Variants in PIGF observed in about 807,000 individuals in gnomAD.
PIGF encodes the protein phosphatidylinositol glycan anchor biosynthesis class F, also known as GPI ethanolamine phosphate transferase, stabilizing subunit.
Under a neutral mutation model 26.0 loss-of-function variants are expected in PIGF, and 23 were observed. The observed-to-expected ratio is 0.88, with a 90% confidence interval of 0.64 to 1.25. PIGF has a LOEUF of 1.25. Among genes scored for constraint, PIGF ranks in the 50% most tolerant of loss-of-function variants. PIGF has a pLI of 0.00. For missense variants in PIGF, 278 were observed against 249.9 expected (o/e 1.11, Z -0.76); for synonymous variants, 93 against 92.6 (o/e 1.00, Z -0.03).
At chr2:46,586,001 C>A (rs1340983556) in intron 5 of PIGF, among the ~76,000 whole-genome samples, 2 of 152,170 alleles carry the variant, frequency 1.3e-5, no homozygotes, top group Admixed American at 6.5e-5. Context: ...GTCTCGATCT[C>A]CTGACCTCGT....
chr2:46,599,883 T>A (rs1264222005), intron 4 of PIGF, among the ~76,000 whole-genome samples: 1 of 152,052 alleles, frequency 6.6e-6, no homozygotes, highest in South Asian at 2.1e-4. Context: ...ACACTTCACA[T>A]GGGCACACAT....
chr2:46,600,867 A>G (rs1032529381), intron 4 of PIGF, among the ~76,000 whole-genome samples: 2 of 152,090 alleles, frequency 1.3e-5, no homozygotes, highest in African/African-American at 2.4e-5. Context: ...TTAGTGGGAA[A>G]AAAGTTATAA....
At chr2:46,607,870 G>C (rs1015852301) in intron 4 of PIGF, among the ~76,000 whole-genome samples, 3 of 151,954 alleles carry the variant, frequency 2.0e-5, no homozygotes, top group African/African-American at 7.3e-5. Context: ...AATTTTTCTT[G>C]TATTTTTAGT....
At chr2:46,584,729 C>A (rs1015220848) in intron 5 of PIGF, among the ~76,000 whole-genome samples, 5 of 152,114 alleles carry the variant, frequency 3.3e-5, no homozygotes, top group Non-Finnish European at 7.4e-5. Context: ...ACCTCCTTGG[C>A]TTTCCTGAAA....
chr2:46,595,702 C>A (rs531434219), intron 4 of PIGF, among the ~76,000 whole-genome samples: 2 of 152,260 alleles, frequency 1.3e-5, no homozygotes, highest in East Asian at 3.9e-4. Context: ...AATGGCTGAA[C>A]CATTTTATAT....
chr2:46,615,366 G>A (rs1670583246), intron 1 of PIGF, 181 bp from the exon 2 acceptor site: 1 of 448,494 alleles, frequency 2.2e-6, no homozygotes, highest in Non-Finnish European at 4.0e-6. Context: ...TTCTACCTTT[G>A]ATTTTCTTAA....
At chr2:46,600,824 T>TAC (rs574102749) in intron 4 of PIGF, among the ~76,000 whole-genome samples, 1 of 152,022 alleles carries the variant, frequency 6.6e-6, no homozygotes, top group Non-Finnish European at 1.5e-5. Flanking sequence ...AGGTAGATTA[T>TAC]ACACACACAC....
rs902905941 is a variant in PIGF, at chr2:46,588,901, A to T, written c.546+3574T>A. Reference sequence around the variant, plus strand: ...CATACAGTAATAACAACAAATACTTATTGATTAGCTATTTAGTTACAGCAG... The same window carrying T: ...CATACAGTAATAACAACAAATACTTTTTGATTAGCTATTTAGTTACAGCAG... On this transcript the variant is annotated intron_variant, in intron 5 of 5. Transcript: ENST00000281382. The surrounding 1 kb of genome is among the most constrained non-coding windows in gnomAD (Gnocchi z 4.1). Among the ~76,000 whole-genome samples the T allele has an allele frequency of 9.2e-5, 14 of 152,144 alleles. No individual in the cohort carries two copies. The highest frequency in any genetic ancestry group is 3.3e-4 in the Admixed American group (5 of 15,270).
chr2:46,609,516 T>G (rs1226636141), intron 4 of PIGF, among the ~76,000 whole-genome samples: 1 of 152,260 alleles, frequency 6.6e-6, no homozygotes, highest in Non-Finnish European at 1.5e-5. Context: ...GGCTTCACTT[T>G]TAGTCTGTCT....
In PIGF at chr2:46,581,608, T is replaced by A; in HGVS notation, c.547-17A>T. The stretch of plus-strand genomic sequence containing the variant: ...GGGCCATACCTGAGGAGAGAATGTA[T>A]GAGATCAAAAAAGAACAAATGTTTT... On this transcript the variant is annotated splice_polypyrimidine_tract_variant and intron_variant, in intron 5 of 5. Transcript: ENST00000281382. 1.2e-6 allele frequency: 2 copies of A among 1,607,870 alleles called. No individual in the cohort carries two copies. The highest frequency in any genetic ancestry group is 1.7e-6 in the Non-Finnish European group (2 of 1,177,638).
rs191243235 is a variant in PIGF at position 46,610,371 on chromosome 2, T to A, written c.437+1857A>T. Among the ~76,000 whole-genome samples, 25 of 152,320 alleles carry A rather than the reference T, an allele frequency of 1.6e-4. 1 individual carries two copies. Among genetic ancestry groups the A allele is most frequent in the Admixed American group, 1.5e-3 (23 of 15,298 alleles). On this transcript the variant is annotated intron_variant, in intron 4 of 5. Transcript: ENST00000281382. Reference sequence around the variant, plus strand: ...TAATAAGATTTCAATCCAATTTCACTATTTAAAAATTTCAAACTAAAAGGC... The same window carrying A: ...TAATAAGATTTCAATCCAATTTCACAATTTAAAAATTTCAAACTAAAAGGC...
intron 4 of PIGF, among the ~76,000 whole-genome samples, chr2:46,598,988 C>A (rs760600946): frequency 5.9e-5 from 9 of 152,104 alleles, no homozygotes; most frequent in Non-Finnish European, 1.0e-4. Context: ...AATGTCAGTA[C>A]CATTTTCCCT....
rs1486675092 is a variant in PIGF at position 46,585,951 on chromosome 2, TTTTTAGTAGAGACAGGG to T, written c.547-4377_547-4361del. 6.6e-5 allele frequency among the ~76,000 whole-genome samples: 10 copies of T among 152,294 alleles called. No homozygotes were observed. In the East Asian group the frequency reaches 1.9e-3, roughly 29 times the overall value. ...ACCACGTCCAGCTAATTTTTTTGTA[TTTTTAGTAGAGACAGGG>T]TTTCAATGTGTTAGCCAGGATGGTC... is the stretch of plus-strand genomic sequence containing the variant. On this transcript the variant is annotated intron_variant, in intron 5 of 5. Coordinates refer to ENST00000281382, the MANE Select transcript of PIGF (RefSeq NM_002643.4).
chr2:46,595,639 A>C (rs559648577), intron 4 of PIGF, among the ~76,000 whole-genome samples: 1 of 152,224 alleles, frequency 6.6e-6, no homozygotes, highest in African/African-American at 2.4e-5. Context: ...GTTAGGTCCT[A>C]TGGAAACTCT....
Position 46,613,764 on chromosome 2 carries a change from A to G in PIGF, c.250T>C (p.Cys84Arg). ...AAACAAGACATAAGAAAGTAGATAC[A>G]GCATTTCAAAAATCCAGTTACCTAA... Reference protein sequence around the residue: ...SHKVTGFLKCCIYFLMSCFSF... With the variant: ...SHKVTGFLKCRIYFLMSCFSF... The change falls in exon 3 of 6, where the codon TGT (cysteine) becomes CGT (arginine). Residue 84 changes from cysteine (C) to arginine (R), a missense_variant. Transcript: ENST00000281382. 1.3e-6 allele frequency: 2 copies of G among 1,553,282 alleles called. No homozygotes were observed. Among genetic ancestry groups the G allele is most frequent in the South Asian group, 1.1e-5 (1 of 87,508 alleles).
In PIGF at chr2:46,617,004, C is replaced by G; in HGVS notation, c.-56G>C. On this transcript the variant is annotated 5_prime_UTR_variant, in exon 1 of 6. Transcript: ENST00000281382. ...CCTCCCGCGGAAGGGAAGCGGGGAA[C>G]TACTGCCTCCTACCATCAGGTACGA... 1.8e-6 allele frequency: 1 copy of G among 567,428 alleles called. No homozygotes were observed. The highest frequency in any genetic ancestry group is 2.0e-5 in the South Asian group (1 of 49,304). The allele number at this position is 567,428 out of a possible 1,614,324, so 35.1% of individuals were successfully genotyped here. A position where few individuals can be genotyped will look rare whatever the true frequency, so the allele number is the denominator to read the frequency against.
intron 4 of PIGF, among the ~76,000 whole-genome samples, chr2:46,603,957 A>G (rs939651400): frequency 2.7e-4 from 41 of 152,074 alleles, no homozygotes; most frequent in African/African-American, 3.6e-4. Flanking sequence ...CAATCTATCT[A>G]TCTAACAAAG....
Position 46,583,935 on chromosome 2 carries a change from C to T in PIGF, c.547-2344G>A, listed in dbSNP as rs540185830. Among the ~76,000 whole-genome samples the T allele has an allele frequency of 8.5e-5, 13 of 152,152 alleles. No homozygotes were observed. The South Asian group carries it at 2.7e-3, about 32-fold the overall frequency. On this transcript the variant is annotated intron_variant, in intron 5 of 5. Transcript: ENST00000281382. ...GTTCTTAAAAATAAATTTAGGGGCTCCCTGAAATTTTATTTAATACTTTGC... is the reference window on the plus strand; with the variant it reads ...GTTCTTAAAAATAAATTTAGGGGCTTCCTGAAATTTTATTTAATACTTTGC...
In PIGF at chr2:46,602,386, T is replaced by A. The variant is rs117696343; in HGVS notation, c.438-9803A>T. ...TCACATGACTATCATGTGTTCAACA[T>A]AAGTTTTCTACAAACATGCAAATAA... On this transcript the variant is annotated intron_variant, in intron 4 of 5. Coordinates refer to ENST00000281382, the MANE Select transcript of PIGF (RefSeq NM_002643.4). Among the ~76,000 whole-genome samples the A allele has an allele frequency of 6.6e-5, 10 of 151,972 alleles. No individual in the cohort carries two copies. The East Asian group carries it at 1.2e-3, about 18-fold the overall frequency.
Sources: gnomAD v4.1 joint callset for allele counts (sites outside exome capture counted in the v4.1 genomes callset) on GRCh38, gnomAD v4.1.1 for gene constraint, Gnocchi (gnomAD v3.1) non-coding constraint, MANE v1.5 for transcripts, NCBI Gene and HGNC (gene_info 2026-07-23, HGNC 2026-07-21) for gene names.